Variants in CCDC141 observed in about 807,000 individuals in gnomAD.
CCDC141 encodes the protein coiled-coil domain-containing protein 141.
CCDC141 carries 168 observed loss-of-function variants against 181.0 expected under a neutral mutation model. The ratio of observed to expected loss-of-function variants is 0.93; its 90% confidence interval spans 0.82 to 1.05. The LOEUF is 1.05. Among genes scored for constraint, CCDC141 ranks in the 50% least tolerant of loss-of-function variants. The probability of loss-of-function intolerance (pLI) is 0.00; values close to 1 mark genes in which losing one functional copy is unlikely to be tolerated. For synonymous variants in CCDC141, 666 were observed against 642.3 expected (o/e 1.04, Z -0.56); for missense variants, 1,902 against 1,788.5 (o/e 1.06, Z -1.14).
Position 178,872,010 on chromosome 2 carries a change from AT to A in CCDC141, c.2079+122del, listed in dbSNP as rs139687739. On this transcript the variant is annotated intron_variant, in intron 13 of 23. Transcript: ENST00000443758. ...TACAGGGACCTCATTTATAAGTGGA[AT>A]CACACGATATTTATCCTTTTGTGTT... 3.3e-3 allele frequency: 3,165 copies of A among 957,984 alleles called. 66 individuals are homozygous for A. In the African/African-American group the frequency reaches 0.047, roughly 14 times the overall value. The allele number at this position is 957,984 out of a possible 1,614,324, so 59.3% of individuals were successfully genotyped here.
rs1684362923 is a variant in CCDC141 at position 178,833,913 on chromosome 2, T to C, written c.*260A>G. On this transcript the variant is annotated 3_prime_UTR_variant, in exon 24 of 24. Transcript: ENST00000443758. Reference sequence around the variant, plus strand: ...ATAGGCATAGAATAATTTTGCTGCATATTATGTTGAAAACATCTGTTTCTA... The same window carrying C: ...ATAGGCATAGAATAATTTTGCTGCACATTATGTTGAAAACATCTGTTTCTA... 7.4e-6 allele frequency: 3 copies of C among 405,610 alleles called. No homozygotes were observed. The highest frequency in any genetic ancestry group is 3.8e-5 in the Admixed American group (1 of 26,044). The allele number at this position is 405,610 out of a possible 1,614,324, so 25.1% of individuals were successfully genotyped here.
At chr2:178,939,171 T>C (rs1349779228) in intron 6 of CCDC141, among the ~76,000 whole-genome samples, 2 of 152,322 alleles carry the variant, frequency 1.3e-5, no homozygotes, top group Admixed American at 6.5e-5. Flanking sequence ...TCAACTGACC[T>C]GTGCAATCAC....
chr2:178,878,830 G>C (rs1421316146), intron 11 of CCDC141, among the ~76,000 whole-genome samples: 1 of 152,036 alleles, frequency 6.6e-6, no homozygotes, highest in African/African-American at 2.4e-5. Context: ...GACCTGTGTG[G>C]TTTCATTTAA....
At chr2:179,012,139 T>A (rs2042286903) in intron 2 of CCDC141, among the ~76,000 whole-genome samples, 1 of 151,714 alleles carries the variant, frequency 6.6e-6, no homozygotes, top group Non-Finnish European at 1.5e-5. Flanking sequence ...TAAATGAAAT[T>A]GAAACAAACA....
At position 178,872,221 on chromosome 2, in the gene CCDC141, C is replaced by A; in HGVS notation, c.1991G>T (p.Ser664Ile). ...AAGCTGCCATGCCAGCCGAAGGAGG[C>A]TAAGTTCTTCCCGTTCTGCTTTCTG... ...ENQKAEREEL[S>I]LLRLAWQLKA... Residue 664 changes from serine (S) to isoleucine (I), a missense_variant, in exon 13 of 24, where the codon AGC becomes ATC. Ser to Ile is a moderately radical substitution (Grantham distance 142). Coordinates refer to ENST00000443758, the MANE Select transcript of CCDC141 (RefSeq NM_173648.4). 1.9e-6 allele frequency: 3 copies of A among 1,614,034 alleles called. No individual in the cohort carries two copies. The highest frequency in any genetic ancestry group is 2.5e-6 in the Non-Finnish European group (3 of 1,179,960).
At chr2:178,968,643 C>G (rs1261465145) in intron 4 of CCDC141, among the ~76,000 whole-genome samples, 1 of 151,228 alleles carries the variant, frequency 6.6e-6, no homozygotes, top group Non-Finnish European at 1.5e-5. Context: ...CAGGAAAGAT[C>G]TAAAATTGAC....
intron 9 of CCDC141, among the ~76,000 whole-genome samples, chr2:178,887,794 C>A (rs892763533): frequency 6.6e-6 from 1 of 152,166 alleles, no homozygotes; most frequent in African/African-American, 2.4e-5. Flanking sequence ...ATAAGTCCAC[C>A]GTATCAAACG....
At position 178,853,330 on chromosome 2, in the gene CCDC141, C is replaced by T. The variant is rs976457385; in HGVS notation, c.3244+111G>A. 9.0e-6 allele frequency: 8 copies of T among 885,022 alleles called. No homozygotes were observed. The African/African-American group carries it at 1.0e-4, about 11-fold the overall frequency. The allele number at this position is 885,022 out of a possible 1,614,324, so 54.8% of individuals were successfully genotyped here. A position where few individuals can be genotyped will look rare whatever the true frequency, so the allele number is the denominator to read the frequency against. ...ACCTTGAACATTTTCCCTGAATACA[C>T]TGGTGTGCTGAGGACCCTGAGGACT... On this transcript the variant is annotated intron_variant, in intron 20 of 23. Coordinates refer to ENST00000443758, the MANE Select transcript of CCDC141 (RefSeq NM_173648.4).
intron 2 of CCDC141, among the ~76,000 whole-genome samples, chr2:179,015,520 C>T (rs1384389974): frequency 1.7e-4 from 3 of 18,056 alleles, no homozygotes; most frequent in African/African-American, 3.5e-4. Flanking sequence ...ATATGTATCA[C>T]ATATATCTCA....
chr2:179,014,981 T>C (rs531097778), intron 2 of CCDC141, among the ~76,000 whole-genome samples: 16 of 147,342 alleles, frequency 1.1e-4, no homozygotes, highest in Admixed American at 9.5e-4. Flanking sequence ...TTCATGTTTA[T>C]AGCAGCACAA....
At chr2:179,014,437 T>A (rs763808487) in intron 2 of CCDC141, among the ~76,000 whole-genome samples, 7 of 151,984 alleles carry the variant, frequency 4.6e-5, no homozygotes, top group Non-Finnish European at 7.4e-5. Flanking sequence ...TAATGAAACT[T>A]AAGAGCTTTT....
intron 7 of CCDC141, among the ~76,000 whole-genome samples, chr2:178,915,963 T>C (rs1449474753): frequency 6.6e-6 from 1 of 152,192 alleles, no homozygotes; most frequent in Non-Finnish European, 1.5e-5. Context: ...GGAGAATTGA[T>C]GTGGCATGCT....
intron 4 of CCDC141, among the ~76,000 whole-genome samples, chr2:178,970,441 G>C (rs1690833879): frequency 6.6e-6 from 1 of 152,164 alleles, no homozygotes; most frequent in African/African-American, 2.4e-5. Context: ...CAATGGAACA[G>C]AACACAGGCC....
rs775488457 is a variant in CCDC141 at position 178,853,437 on chromosome 2, T to A, written c.3244+4A>T. The A allele has an allele frequency of 6.2e-7, 1 of 1,613,060 alleles. No homozygotes were observed. The highest frequency in any genetic ancestry group is 8.5e-7 in the Non-Finnish European group (1 of 1,179,504). Reference sequence around the variant, plus strand: ...ATCACTGGATATCTTAAAAGAGATCTCACCATATAAGTGCTGAGCAAGGTC... The same window carrying A: ...ATCACTGGATATCTTAAAAGAGATCACACCATATAAGTGCTGAGCAAGGTC... On this transcript the variant is annotated splice_donor_region_variant and intron_variant, in intron 20 of 23. Transcript: ENST00000443758.
At chr2:178,911,018 C>A (rs1438776138) in intron 7 of CCDC141, among the ~76,000 whole-genome samples, 2 of 152,200 alleles carry the variant, frequency 1.3e-5, no homozygotes, top group African/African-American at 4.8e-5. Flanking sequence ...CTTTAGGCAG[C>A]TAGTCACTAT....
Position 178,961,219 on chromosome 2 carries a change from C to T in CCDC141, c.780+11G>A. ...GAGGCTGGAACATCATCCAATGCCCCTTTGGGTTACCTGGTTTTCTTGTTG... is the reference window on the plus strand; with the variant it reads ...GAGGCTGGAACATCATCCAATGCCCTTTTGGGTTACCTGGTTTTCTTGTTG... On this transcript the variant is annotated intron_variant, in intron 5 of 23. Coordinates refer to ENST00000443758, the MANE Select transcript of CCDC141 (RefSeq NM_173648.4). 1 of 1,549,664 alleles carries T rather than the reference C, an allele frequency of 6.5e-7. No individual in the cohort carries two copies. The highest frequency in any genetic ancestry group is 8.7e-7 in the Non-Finnish European group (1 of 1,146,346).
intron 2 of CCDC141, among the ~76,000 whole-genome samples, chr2:179,012,935 T>C (rs993485534): frequency 2.0e-5 from 3 of 152,016 alleles, no homozygotes; most frequent in African/African-American, 7.2e-5. Flanking sequence ...ATTAAAACTC[T>C]CAGCAAAATC....
chr2:179,029,187 C>T (rs1009012733), intron 2 of CCDC141, among the ~76,000 whole-genome samples: 4 of 152,122 alleles, frequency 2.6e-5, no homozygotes, highest in Non-Finnish European at 5.9e-5. Context: ...TTTTGAGATC[C>T]AAATAAATAC....
intron 2 of CCDC141, among the ~76,000 whole-genome samples, chr2:179,033,223 T>C (rs2154387100): frequency 6.7e-6 from 1 of 150,154 alleles, no homozygotes; most frequent in East Asian, 1.9e-4. Context: ...TGTATAAAAA[T>C]ATTCAGAAAG....
Sources: allele counts gnomAD v4.1 joint callset (sites outside exome capture counted in the v4.1 genomes callset), GRCh38; gene constraint gnomAD v4.1.1; transcripts MANE v1.5; gene names NCBI Gene and HGNC (gene_info 2026-07-23, HGNC 2026-07-21).